Variants in EGFR observed in about 807,000 individuals in gnomAD.
EGFR encodes epidermal growth factor receptor.
EGFR carries 58 observed loss-of-function variants against 143.0 expected under a neutral mutation model. The observed-to-expected ratio is 0.41, with a 90% CI of 0.33 to 0.50. The LOEUF is 0.50. Among genes scored for constraint, EGFR ranks in the 20% least tolerant of loss-of-function variants. The probability of loss-of-function intolerance (pLI) is 0.39; values close to 1 mark genes in which losing one functional copy is unlikely to be tolerated. For missense variants in EGFR, 1,307 were observed against 1,579.0 expected (o/e 0.83, Z 2.92); for synonymous variants, 613 against 594.4 (o/e 1.03, Z -0.45).
chr7:55,047,233 T>A (rs2128872171), intron 1 of EGFR, among the ~76,000 whole-genome samples: 1 of 152,350 alleles, frequency 6.6e-6, no homozygotes, highest in South Asian at 2.1e-4. Flanking sequence ...GGCCATTTGC[T>A]GCCTTGAGTG....
chr7:55,055,550 T>C (rs932548301), intron 1 of EGFR, among the ~76,000 whole-genome samples: 1 of 152,246 alleles, frequency 6.6e-6, no homozygotes, highest in Non-Finnish European at 1.5e-5. Context: ...TTTCTGCTGT[T>C]GTATATAACA....
intron 1 of EGFR, among the ~76,000 whole-genome samples, chr7:55,091,764 G>T (rs1182725406): frequency 6.6e-6 from 1 of 151,808 alleles, no homozygotes; most frequent in African/African-American, 2.4e-5. Flanking sequence ...GGAGCTGTGT[G>T]CAGCTGGGGA....
chr7:55,184,561 G>T (rs958671787), intron 20 of EGFR, among the ~76,000 whole-genome samples: 1 of 152,244 alleles, frequency 6.6e-6, no homozygotes, highest in Non-Finnish European at 1.5e-5. Flanking sequence ...GTTACTGAAA[G>T]CCTGAGTTTA....
intron 1 of EGFR, among the ~76,000 whole-genome samples, chr7:55,038,345 C>T (rs768026542): frequency 6.6e-6 from 1 of 152,138 alleles, no homozygotes; most frequent in African/African-American, 2.4e-5. Flanking sequence ...GAGTCTCACC[C>T]TGCCTGGAGC....
intron 1 of EGFR, among the ~76,000 whole-genome samples, chr7:55,068,884 CA>C (rs951323240): frequency 6.6e-6 from 1 of 152,120 alleles, no homozygotes; most frequent in African/African-American, 2.4e-5. Context: ...GGGTCAGGGA[CA>C]GGGGTGAGTG....
At chr7:55,116,890 G>A (rs752374104) in intron 1 of EGFR, among the ~76,000 whole-genome samples, 11 of 152,148 alleles carry the variant, frequency 7.2e-5, no homozygotes, top group African/African-American at 1.2e-4. Context: ...CACTGCGTTC[G>A]TCCATTCTAC....
chr7:55,163,169 C>T (rs980789395), intron 13 of EGFR, among the ~76,000 whole-genome samples: 41 of 152,348 alleles, frequency 2.7e-4, no homozygotes, highest in African/African-American at 9.6e-4. Flanking sequence ...TAGGCAGAGT[C>T]CAGTCTTACT....
chr7:55,160,347 CCGCTT>C lies in EGFR; in HGVS notation c.1498+10_1498+14del. On this transcript the variant is annotated intron_variant, in intron 12 of 27. Transcript: ENST00000275493. ...AGGTGAAAACAGCTGCAGTAAGTCA[CCGCTT>C]TCTGTTTAGTTTATGGAGTTGGTTC... 6.2e-7 allele frequency: 1 copy of C among 1,612,038 alleles called. No homozygotes were observed. Among genetic ancestry groups the C allele is most frequent in the Non-Finnish European group, 8.5e-7 (1 of 1,179,804 alleles).
chr7:55,033,808 G>T (rs6956366), intron 1 of EGFR, among the ~76,000 whole-genome samples: 2,432 of 152,098 alleles, frequency 0.016, 58 homozygotes, highest in African/African-American at 0.055. Flanking sequence ...CCCTCACTTT[G>T]CTTCCCTGGT....
chr7:55,183,788 G>A (rs886400007), intron 20 of EGFR, among the ~76,000 whole-genome samples: 1 of 152,204 alleles, frequency 6.6e-6, no homozygotes, highest in Non-Finnish European at 1.5e-5. Flanking sequence ...GTCCCAACCG[G>A]GAGGTGAGCC....
intron 20 of EGFR, among the ~76,000 whole-genome samples, chr7:55,183,853 T>G (rs1787005568): frequency 6.6e-6 from 1 of 152,194 alleles, no homozygotes. Flanking sequence ...CCTCCGTTCA[T>G]CAGAGGGGGC....
intron 1 of EGFR, among the ~76,000 whole-genome samples, chr7:55,137,680 A>G (rs1179267731): frequency 6.6e-6 from 1 of 152,236 alleles, no homozygotes. Flanking sequence ...GAGCACAACA[A>G]CAGAGATGAA....
At position 55,200,391 on chromosome 7, in the gene EGFR, C is replaced by T. The variant is rs1215599430; in HGVS notation, c.2924C>T (p.Pro975Leu). The T allele has an allele frequency of 3.1e-6, 5 of 1,614,184 alleles. No homozygotes were observed. The highest frequency in any genetic ancestry group is 1.1e-5 in the South Asian group (1 of 91,076). The stretch of plus-strand genomic sequence containing the variant: ...GAATTCTCCAAAATGGCCCGAGACC[C>T]CCAGCGCTACCTTGTCATTCAGGTA... ...IIEFSKMARDPQRYLVIQGDE... is the reference protein window; with the variant it reads ...IIEFSKMARDLQRYLVIQGDE... Residue 975 changes from proline (P) to leucine (L), a missense_variant, in exon 24 of 28, where the codon CCC becomes CTC. This residue lies in a region of EGFR where 313 missense variants were observed against 312.3 expected (regional missense o/e 1.00). Coordinates refer to ENST00000275493, the MANE Select transcript of EGFR (RefSeq NM_005228.5).
chr7:55,187,742 C>A (rs1787203708), intron 20 of EGFR, among the ~76,000 whole-genome samples: 1 of 152,194 alleles, frequency 6.6e-6, no homozygotes, highest in African/African-American at 2.4e-5. Context: ...TTAAAAACTT[C>A]ATCAGATCCG....
intron 7 of EGFR, 139 bp downstream of exon 7, chr7:55,154,291 C>T (rs550147498): frequency 1.9e-4 from 262 of 1,358,610 alleles, no homozygotes; most frequent in Non-Finnish European, 2.6e-4. Context: ...GACCCTGTGC[C>T]CGTCCAGGCA....
chr7:55,159,644 G>A (rs2128940986), intron 11 of EGFR, among the ~76,000 whole-genome samples: 1 of 152,274 alleles, frequency 6.6e-6, no homozygotes, highest in East Asian at 1.9e-4. Context: ...TCTGCTTACG[G>A]GGTTGTGTCA....
At chr7:55,069,798 A>G (rs746614858) in intron 1 of EGFR, among the ~76,000 whole-genome samples, 2 of 152,220 alleles carry the variant, frequency 1.3e-5, no homozygotes, top group Non-Finnish European at 2.9e-5. Context: ...CAGAATCCTT[A>G]CAAGGAACCC....
At chr7:55,202,193 G>T (rs957491016) in intron 26 of EGFR, among the ~76,000 whole-genome samples, 1 of 152,234 alleles carries the variant, frequency 6.6e-6, no homozygotes, top group African/African-American at 2.4e-5. Context: ...GAGTTAAAAT[G>T]AAATAAAATA....
chr7:55,205,008 C>G (rs1431926428), intron 27 of EGFR, among the ~76,000 whole-genome samples: 1 of 152,134 alleles, frequency 6.6e-6, no homozygotes, highest in Non-Finnish European at 1.5e-5. Context: ...CACATACACA[C>G]ACTCTCCTCA....
Sources: gnomAD v4.1 joint callset for allele counts (sites outside exome capture counted in the v4.1 genomes callset) on GRCh38, gnomAD v4.1.1 for gene constraint, gnomAD v4.1.1 regional missense constraint, MANE v1.5 for transcripts, NCBI Gene and HGNC (gene_info 2026-07-23, HGNC 2026-07-21) for gene names.